The following MMS22L variants were observed in gnomAD, a reference collection of about 807,000 sequenced individuals.
The protein encoded by MMS22L is MMS22 like, DNA repair protein.
In MMS22L, 74 loss-of-function variants were observed where a neutral mutation model predicts 159.1. That is an observed-to-expected ratio of 0.47 (90% confidence interval 0.39 to 0.56). The LOEUF is 0.56. MMS22L is among the 20% of genes least tolerant of loss of function. The pLI, the probability that MMS22L is intolerant of heterozygous loss-of-function variation, is 0.00. For missense variants in MMS22L, 1,351 were observed against 1,422.1 expected (o/e 0.95, Z 0.80); for synonymous variants, 517 against 506.9 (o/e 1.02, Z -0.27).
intron 21 of MMS22L, among the ~76,000 whole-genome samples, chr6:97,163,537 CTG>C (rs1057087503): frequency 3.9e-5 from 6 of 152,018 alleles, no homozygotes; most frequent in African/African-American, 1.4e-4. Flanking sequence ...ATCCTAAACA[CTG>C]GGGTTTTAAA....
chr6:97,281,091 ATTAT>A (rs1816718040), intron 3 of MMS22L, 142 bp downstream of exon 3: 3 of 708,796 alleles, frequency 4.2e-6, no homozygotes, highest in Admixed American at 5.7e-5. Flanking sequence ...TTGCTGCTTG[ATTAT>A]TGTTACTGGT....
intron 10 of MMS22L, among the ~76,000 whole-genome samples, chr6:97,252,950 A>G (rs892433403): frequency 6.6e-6 from 1 of 152,316 alleles, no homozygotes; most frequent in South Asian, 2.1e-4. Context: ...TAATAAAAGC[A>G]CTACTATAGT....
intron 20 of MMS22L, among the ~76,000 whole-genome samples, chr6:97,166,614 T>C (rs1179505942): frequency 6.6e-6 from 1 of 151,910 alleles, no homozygotes; most frequent in Non-Finnish European, 1.5e-5. Context: ...TAAATGAATA[T>C]TTTCTGAAAA....
At chr6:97,174,521 G>A (rs149791520) in intron 18 of MMS22L, among the ~76,000 whole-genome samples, 1 of 152,256 alleles carries the variant, frequency 6.6e-6, no homozygotes, top group African/African-American at 2.4e-5. Flanking sequence ...GTTGGTAAGA[G>A]TAGCTGAAGT....
At chr6:97,237,595 G>A (rs1811551678) in intron 11 of MMS22L, among the ~76,000 whole-genome samples, 1 of 152,076 alleles carries the variant, frequency 6.6e-6, no homozygotes, top group African/African-American at 2.4e-5. Flanking sequence ...TACCCACATG[G>A]TATATACGCC....
At chr6:97,175,008 G>A (rs1464821009) in intron 18 of MMS22L, among the ~76,000 whole-genome samples, 1 of 152,034 alleles carries the variant, frequency 6.6e-6, no homozygotes, top group Admixed American at 6.6e-5. Context: ...TTGACTAGAC[G>A]TTCTCAAACT....
At chr6:97,282,284 T>C (rs1816823692) in intron 2 of MMS22L, 30 bp downstream of exon 2, 1 of 1,606,238 alleles carries the variant, frequency 6.2e-7, no homozygotes, top group Non-Finnish European at 8.5e-7. Context: ...AATAATCAGA[T>C]GAGGGAAAAT....
At chr6:97,200,299 G>C (rs1407817443) in intron 14 of MMS22L, among the ~76,000 whole-genome samples, 1 of 152,076 alleles carries the variant, frequency 6.6e-6, no homozygotes, top group African/African-American at 2.4e-5. Flanking sequence ...ATTCCCTATA[G>C]AGATGCTATT....
At chr6:97,176,673 TGA>T (rs1804153657) in intron 18 of MMS22L, among the ~76,000 whole-genome samples, 1 of 152,178 alleles carries the variant, frequency 6.6e-6, no homozygotes, top group Non-Finnish European at 1.5e-5. Context: ...CCATGGGCAC[TGA>T]GTCACTAAGG....
Position 97,162,106 on chromosome 6 carries a change from G to T in MMS22L, c.3281C>A (p.Ala1094Asp), listed in dbSNP as rs1352995256. ...SPPPRLASIL[A>D]FILQLFKETN... Reference sequence around the variant, plus strand: ...TTCCTTGAAGAGTTGGAGGATGAAGGCCAGAATGGATGCTAAGCGAGGAGG... The same window carrying T: ...TTCCTTGAAGAGTTGGAGGATGAAGTCCAGAATGGATGCTAAGCGAGGAGG... The change falls in exon 22 of 25, where the codon GCC becomes GAC. Residue 1094 changes from alanine (A) to aspartate (D), a missense_variant. Ala to Asp is a moderately radical substitution (Grantham distance 126). Transcript: ENST00000683635. The T allele has an allele frequency of 3.1e-6, 5 of 1,611,740 alleles. No individual in the cohort carries two copies. In the South Asian group the frequency reaches 3.3e-5, roughly 11 times the overall value.
chr6:97,235,592 T>C (rs908327303), intron 11 of MMS22L, among the ~76,000 whole-genome samples: 1 of 152,148 alleles, frequency 6.6e-6, no homozygotes, highest in Non-Finnish European at 1.5e-5. Context: ...GTGAACAGGA[T>C]TGACCTCTGC....
intron 20 of MMS22L, among the ~76,000 whole-genome samples, chr6:97,167,760 C>T (rs1803114145): frequency 1.3e-5 from 2 of 152,022 alleles, no homozygotes; most frequent in Admixed American, 1.3e-4. Flanking sequence ...CTGATGTCCT[C>T]TACAGTGTAT....
At chr6:97,181,736 T>C (rs1210906852) in intron 16 of MMS22L, among the ~76,000 whole-genome samples, 168 bp downstream of exon 16, 2 of 152,134 alleles carry the variant, frequency 1.3e-5, no homozygotes, top group East Asian at 1.9e-4. Context: ...GTTAGTGTTC[T>C]TACTATTACT....
chr6:97,207,168 T>C (rs1235338986), intron 14 of MMS22L, among the ~76,000 whole-genome samples: 2 of 152,324 alleles, frequency 1.3e-5, no homozygotes, highest in Admixed American at 1.3e-4. Context: ...GATTTTAATG[T>C]TCCACTCATT....
chr6:97,231,532 A>T lies in MMS22L; in HGVS notation c.1423T>A (p.Tyr475Asn), dbSNP rs1360366942. Residue 475 changes from tyrosine to asparagine, a missense_variant, in exon 13 of 25, where the codon TAT becomes AAT. Tyr to Asn is a moderately radical substitution (Grantham distance 143). Transcript: ENST00000683635. ...CCCDKQDQEL[Y>N]KSSSSYTIFL... ...ATAGTATAACTACTGCTGGATTTAT[A>T]TAGTTCCTGATCTTGTTTATCGCAA... 1 of 1,613,826 alleles carries T rather than the reference A, an allele frequency of 6.2e-7. No individual in the cohort carries two copies. Among genetic ancestry groups the T allele is most frequent in the Admixed American group, 1.7e-5 (1 of 60,016 alleles).
chr6:97,224,067 G>C (rs1246231065), intron 14 of MMS22L, among the ~76,000 whole-genome samples: 1 of 152,064 alleles, frequency 6.6e-6, no homozygotes, highest in Non-Finnish European at 1.5e-5. Flanking sequence ...ATTTGTGAAA[G>C]GAATCAAATG....
At chr6:97,188,991 T>C (rs1805556030) in intron 14 of MMS22L, among the ~76,000 whole-genome samples, 1 of 150,762 alleles carries the variant, frequency 6.6e-6, no homozygotes. Context: ...TAATAATAAA[T>C]AAAATAAAGG....
intron 10 of MMS22L, 194 bp downstream of exon 10, chr6:97,254,362 AT>A (rs981982121): frequency 1.0e-4 from 54 of 537,822 alleles, no homozygotes; most frequent in Admixed American, 1.1e-4. Flanking sequence ...TCTACAAGTA[AT>A]TTTTTTTAAT....
intron 22 of MMS22L, among the ~76,000 whole-genome samples, chr6:97,159,767 G>A (rs1802227871): frequency 6.6e-6 from 1 of 151,682 alleles, no homozygotes; most frequent in Non-Finnish European, 1.5e-5. Context: ...ACATGTTTAA[G>A]GTATATATGA....
Sources: allele counts gnomAD v4.1 joint callset (sites outside exome capture counted in the v4.1 genomes callset), GRCh38; gene constraint gnomAD v4.1.1; transcripts MANE v1.5; gene names NCBI Gene and HGNC (gene_info 2026-07-23, HGNC 2026-07-21).